Variants in MKI67 observed in about 807,000 individuals in gnomAD.
MKI67 encodes the protein proliferation marker protein Ki-67.
A neutral mutation model predicts 233.5 loss-of-function variants in MKI67; 152 were observed. The ratio of observed to expected loss-of-function variants is 0.65; its 90% CI spans 0.57 to 0.74. MKI67 has a LOEUF of 0.74. Among genes scored for constraint, MKI67 ranks in the 30% least tolerant of loss-of-function variants. MKI67 has a pLI of 0.00. For synonymous variants in MKI67, 1,465 were observed against 1,418.5 expected (o/e 1.03, Z -0.74); for missense variants, 3,940 against 3,885.2 (o/e 1.01, Z -0.37).
rs748025616 is a variant in MKI67 at position 128,106,600 on chromosome 10, G to T, written c.5240C>A (p.Thr1747Asn). The T allele has an allele frequency of 2.2e-5, 35 of 1,614,098 alleles. No homozygotes were observed. Among genetic ancestry groups the T allele is most frequent in the Middle Eastern group, 1.6e-4 (1 of 6,062 alleles). Reference sequence around the variant, plus strand: ...GGGCTGTGGCTTGGAGCTTGTTGGGGTGTCCACTAGGTCTGGCTGTGAAGC... The same window carrying T: ...GGGCTGTGGCTTGGAGCTTGTTGGGTTGTCCACTAGGTCTGGCTGTGAAGC... ...YRASQPDLVD[T>N]PTSSKPQPKR... The change falls in exon 13 of 15, where the codon ACC (threonine) becomes AAC (asparagine). Residue 1747 changes from threonine to asparagine, a missense_variant. Coordinates refer to ENST00000368654, the MANE Select transcript of MKI67 (RefSeq NM_002417.5).
rs1474383574 is a variant in MKI67, at chr10:128,108,282, G to A, written c.3558C>T (p.Asp1186=). 6.2e-7 allele frequency: 1 copy of A among 1,613,786 alleles called. No individual in the cohort carries two copies. Among genetic ancestry groups the A allele is most frequent in the Non-Finnish European group, 8.5e-7 (1 of 1,180,004 alleles). ...CTGGAGTTCCCATAAATGCTTTAAT[G>A]TCTTTCTCATCACCTCCTGCTGGTT... ...TPKPAGGDEK[D]IKAFMGTPVQ... The change falls in exon 13 of 15, where the codon GAC becomes GAT. Residue 1186 remains aspartate (D), a synonymous_variant. Transcript: ENST00000368654.
At chr10:128,111,471 T>C (rs1180927773) in intron 11 of MKI67, 174 bp downstream of exon 11, 1 of 605,268 alleles carries the variant, frequency 1.7e-6, no homozygotes, top group African/African-American at 1.9e-5. Context: ...AGACTTGTCT[T>C]TGCAAGCCAA....
chr10:128,107,350 TG>T lies in MKI67; in HGVS notation c.4489del (p.Gln1497AsnfsTer24), dbSNP rs1272775262. On this transcript the variant is annotated frameshift_variant, in exon 13 of 15. Transcript: ENST00000368654. LOFTEE classifies it high-confidence loss of function. ...EKTTKIACRS[Q>X]PDPVDTPTSS... is the part of the protein sequence containing the mutation. The stretch of plus-strand genomic sequence containing the variant: ...TGTTGGTGTGTCCACTGGGTCTGGT[TG>T]TGATCTGCAGGCTATTTTGGTAGTT... 6.2e-7 allele frequency: 1 copy of T among 1,613,786 alleles called. No individual in the cohort carries two copies. The highest frequency in any genetic ancestry group is 1.3e-5 in the African/African-American group (1 of 74,794).
chr10:128,125,970 G>C lies in MKI67; in HGVS notation c.-90+129C>G, dbSNP rs577898104. On this transcript the variant is annotated intron_variant, in intron 1 of 14. Coordinates refer to ENST00000368654, the MANE Select transcript of MKI67 (RefSeq NM_002417.5). The surrounding 1 kb of genome is among the most constrained non-coding windows in gnomAD (Gnocchi z 5.3). ...TGGGAGCTTCCACCGAGACGCCCTC[G>C]CCAGAGCCCAGGAGGAGTCGGGCCC... 2 of 415,644 alleles carry C rather than the reference G, an allele frequency of 4.8e-6. No homozygotes were observed. The highest frequency in any genetic ancestry group is 4.1e-5 in the African/African-American group (2 of 48,372). The allele number at this position is 415,644 out of a possible 1,614,324, so 25.7% of individuals were successfully genotyped here. A position where few individuals can be genotyped will look rare whatever the true frequency, so the allele number is the denominator to read the frequency against.
rs1852773165 is a variant in MKI67, at chr10:128,115,164, G to A, written c.1244C>T (p.Pro415Leu). The change falls in exon 7 of 15, where the codon CCA (proline) becomes CTA (leucine). Residue 415 changes from proline (P) to leucine (L), a missense_variant. Coordinates refer to ENST00000368654, the MANE Select transcript of MKI67 (RefSeq NM_002417.5). Reference protein sequence around the residue: ...VEDAADSATKPENLSSKTRGS... With the variant: ...VEDAADSATKLENLSSKTRGS... Reference sequence around the variant, plus strand: ...TCTGGTTTTGGAAGAGAGATTTTCTGGCTTAGTGGCAGAGTCAGCTGCATC... The same window carrying A: ...TCTGGTTTTGGAAGAGAGATTTTCTAGCTTAGTGGCAGAGTCAGCTGCATC... The A allele has an allele frequency of 6.2e-7, 1 of 1,614,200 alleles. No individual in the cohort carries two copies. Among genetic ancestry groups the A allele is most frequent in the Non-Finnish European group, 8.5e-7 (1 of 1,180,042 alleles).
chr10:128,110,207 A>G (rs1196911542), intron 12 of MKI67, among the ~76,000 whole-genome samples, 171 bp downstream of exon 12: 1 of 152,248 alleles, frequency 6.6e-6, no homozygotes, highest in Non-Finnish European at 1.5e-5. Flanking sequence ...TGCCAATGTT[A>G]GTTCAACTGC....
At chr10:128,119,370 G>T in intron 4 of MKI67, 51 bp from the exon 5 acceptor site, 1 of 1,334,770 alleles carries the variant, frequency 7.5e-7, no homozygotes, top group Non-Finnish European at 1.1e-6. Context: ...ATACCCTGGG[G>T]CGGAAGTCTC....
intron 14 of MKI67, among the ~76,000 whole-genome samples, chr10:128,100,474 G>A (rs779679983): frequency 4.2e-4 from 64 of 152,172 alleles, no homozygotes; most frequent in Non-Finnish European, 7.2e-4. Flanking sequence ...CATGAGTTTC[G>A]TTTGCTGAAC....
In MKI67 at chr10:128,107,325, T is replaced by C; in HGVS notation, c.4515A>G (p.Thr1505=). Residue 1505 remains threonine, a synonymous_variant, in exon 13 of 15, where the codon ACA becomes ACG. Coordinates refer to ENST00000368654, the MANE Select transcript of MKI67 (RefSeq NM_002417.5). ...TTCTCTTGGACTGTGGCTTGGAGCT[T>C]GTTGGTGTGTCCACTGGGTCTGGTT... ...RSQPDPVDTP[T]SSKPQSKRSL... is the part of the protein sequence containing the mutation. 1 of 1,614,176 alleles carries C rather than the reference T, an allele frequency of 6.2e-7. No individual in the cohort carries two copies. Among genetic ancestry groups the C allele is most frequent in the Non-Finnish European group, 8.5e-7 (1 of 1,180,040 alleles).
At chr10:128,100,034 C>T (rs1435729623) in intron 14 of MKI67, among the ~76,000 whole-genome samples, 1 of 152,206 alleles carries the variant, frequency 6.6e-6, no homozygotes, top group African/African-American at 2.4e-5. Flanking sequence ...ATTCGGTAAG[C>T]GCCTGGAGCC....
At chr10:128,122,731 TCC>T (rs1852974554) in intron 4 of MKI67, 148 bp downstream of exon 4, 7 of 480,388 alleles carry the variant, frequency 1.5e-5, no homozygotes, top group Non-Finnish European at 2.2e-5. Flanking sequence ...TAGATCCATA[TCC>T]TTTTAAATTA....
intron 12 of MKI67, among the ~76,000 whole-genome samples, chr10:128,110,089 G>T (rs1590307796): frequency 6.6e-6 from 1 of 152,202 alleles, no homozygotes; most frequent in East Asian, 1.9e-4. Context: ...AGACACCATT[G>T]TATTTTTTTG....
rs947114337 is a variant in MKI67, at chr10:128,125,308, A to T, written c.92+268T>A. On this transcript the variant is annotated intron_variant, in intron 2 of 14. Coordinates refer to ENST00000368654, the MANE Select transcript of MKI67 (RefSeq NM_002417.5). The surrounding 1 kb of genome is among the most constrained non-coding windows in gnomAD (Gnocchi z 5.3). The stretch of plus-strand genomic sequence containing the variant: ...CTGCAGCCAGTGACATATGAAGATC[A>T]TCTACATCTTTCTTTACCGCAACAT... Among the ~76,000 whole-genome samples the T allele has an allele frequency of 6.6e-6, 1 of 152,206 alleles. No individual in the cohort carries two copies. Among genetic ancestry groups the T allele is most frequent in the African/African-American group, 2.4e-5 (1 of 41,466 alleles).
In MKI67 at chr10:128,103,260, C is replaced by T. The variant is rs1852384511; in HGVS notation, c.8580G>A (p.Lys2860=). The change falls in exon 13 of 15, where the codon AAG becomes AAA. Residue 2860 remains lysine, a synonymous_variant. Coordinates refer to ENST00000368654, the MANE Select transcript of MKI67 (RefSeq NM_002417.5). ...EVKEELLAVG[K]LTQTSGETTH... is the part of the protein sequence containing the mutation. ...TGGTCTCCCCTGAGGTTTGTGTGAG[C>T]TTGCCAACTGCTAACAGCTCCTCCT... The T allele has an allele frequency of 6.2e-7, 1 of 1,614,060 alleles. No individual in the cohort carries two copies.
In MKI67 at chr10:128,114,939, C is replaced by A. The variant is rs370779677; in HGVS notation, c.1469G>T (p.Gly490Val). Residue 490 changes from glycine to valine, a missense_variant, in exon 7 of 15, where the codon GGT becomes GTT. By Grantham distance (109) the Gly-to-Val change is moderately radical. Transcript: ENST00000368654. ...GLSSVDINNF[G>V]DSINESEGIP... ...TTAAATAAACTTACTAATGGAATCA[C>A]CAAAGTTGTTGATATCAACTGAACT... 10 of 1,553,406 alleles carry A rather than the reference C, an allele frequency of 6.4e-6. No homozygotes were observed. Among genetic ancestry groups the A allele is most frequent in the Non-Finnish European group, 8.7e-6 (10 of 1,150,082 alleles).
Position 128,105,840 on chromosome 10 carries a change from C to G in MKI67, c.6000G>C (p.Lys2000Asn), listed in dbSNP as rs753450662. ...TCACACCTACTTTCCCCAAGGATATCTTGAGTCGTTGCTTGGAGCTTGTTG... is the reference window on the plus strand; with the variant it reads ...TCACACCTACTTTCCCCAAGGATATGTTGAGTCGTTGCTTGGAGCTTGTTG... ...KTPTSSKQRL[K>N]ISLGKVGVKE... The change falls in exon 13 of 15, where the codon AAG (lysine) becomes AAC (asparagine). Residue 2000 changes from lysine (K) to asparagine (N), a missense_variant. By Grantham distance (94) the Lys-to-Asn change is moderately conservative. Transcript: ENST00000368654. The G allele has an allele frequency of 2.2e-5, 36 of 1,613,932 alleles. 2 individuals are homozygous for G. In the South Asian group the frequency reaches 3.5e-4, roughly 16 times the overall value.
At position 128,116,561 on chromosome 10, in the gene MKI67, G is replaced by A. The variant is rs745686464; in HGVS notation, c.355-25C>T. 1.6e-5 allele frequency: 26 copies of A among 1,595,724 alleles called. No individual in the cohort carries two copies. In the South Asian group the frequency reaches 2.4e-4, roughly 15 times the overall value. On this transcript the variant is annotated intron_variant, in intron 5 of 14. Coordinates refer to ENST00000368654, the MANE Select transcript of MKI67 (RefSeq NM_002417.5). The stretch of plus-strand genomic sequence containing the variant: ...CCTGTAAGTTGGGAAAATAAGAACA[G>A]TTATTTGCAGGTCTTTCTAAATGAT...
Position 128,101,446 on chromosome 10 carries a change from T to A in MKI67, c.9517A>T (p.Ser3173Cys), listed in dbSNP as rs1175617522. 1 of 1,614,166 alleles carries A rather than the reference T, an allele frequency of 6.2e-7. No individual in the cohort carries two copies. Among genetic ancestry groups the A allele is most frequent in the Admixed American group, 1.7e-5 (1 of 60,020 alleles). Reference sequence around the variant, plus strand: ...ACCTTCGCACTCTTCTGCCCTCCGCTCTCCTCTGCCACCTTAGGCTGGGAG... The same window carrying A: ...ACCTTCGCACTCTTCTGCCCTCCGCACTCCTCTGCCACCTTAGGCTGGGAG... ...ESSQPKVAEESGGQKSAKVLM... is the reference protein window; with the variant it reads ...ESSQPKVAEECGGQKSAKVLM... The change falls in exon 14 of 15, where the codon AGC (serine) becomes TGC (cysteine). Residue 3173 changes from serine to cysteine, a missense_variant. By Grantham distance (112) the Ser-to-Cys change is moderately radical (BLOSUM62 -1). Coordinates refer to ENST00000368654, the MANE Select transcript of MKI67 (RefSeq NM_002417.5).
In MKI67 at chr10:128,105,172, G is replaced by T. The variant is rs1852451239; in HGVS notation, c.6668C>A (p.Ser2223Tyr). ...GGTACCCACTGGGTCTGGTTGTGGA[G>T]ATCTGCAGGCTATTTTGGTAGTTTT... is the stretch of plus-strand genomic sequence containing the variant. ...HEKTTKIACRSPQPDPVGTPT... is the reference protein window; with the variant it reads ...HEKTTKIACRYPQPDPVGTPT... Residue 2223 changes from serine to tyrosine, a missense_variant, in exon 13 of 15, where the codon TCT becomes TAT. Physicochemically the swap from Ser to Tyr is moderately radical, Grantham distance 144. Coordinates refer to ENST00000368654, the MANE Select transcript of MKI67 (RefSeq NM_002417.5). The T allele has an allele frequency of 3.1e-6, 5 of 1,613,690 alleles. No individual in the cohort carries two copies. The East Asian group carries it at 1.1e-4, about 36-fold the overall frequency.
Sources: gnomAD v4.1 joint callset for allele counts (sites outside exome capture counted in the v4.1 genomes callset) on GRCh38, gnomAD v4.1.1 for gene constraint, Gnocchi (gnomAD v3.1) non-coding constraint, MANE v1.5 for transcripts, NCBI Gene and HGNC (gene_info 2026-07-23, HGNC 2026-07-21) for gene names.